The following ITPR1 variants were observed in gnomAD, a reference collection of about 807,000 sequenced individuals.
The protein encoded by ITPR1 is inositol 1,4,5-trisphosphate receptor type 1, also known as inositol 1,4,5-trisphosphate-gated calcium channel ITPR1.
Under a neutral mutation model 318.4 loss-of-function variants are expected in ITPR1, and 96 were observed. The ratio of observed to expected loss-of-function variants is 0.30; its 90% CI spans 0.26 to 0.36. The LOEUF (loss-of-function observed/expected upper bound fraction) is 0.36. ITPR1 is among the 10% of genes least tolerant of loss of function. The pLI is 1.00. For synonymous variants in ITPR1, 1,312 were observed against 1,289.9 expected (o/e 1.02, Z -0.37); for missense variants, 2,440 against 3,460.2 (o/e 0.71, Z 7.40).
At chr3:4,544,378 A>G (rs905327069) in intron 4 of ITPR1, among the ~76,000 whole-genome samples, 2 of 152,232 alleles carry the variant, frequency 1.3e-5, no homozygotes, top group Non-Finnish European at 2.9e-5. Context: ...CACAGGAGCA[A>G]GTAGCTCTTA....
intron 45 of ITPR1, among the ~76,000 whole-genome samples, chr3:4,767,836 C>T (rs1379541691): frequency 1.3e-5 from 2 of 152,170 alleles, no homozygotes; most frequent in African/African-American, 2.4e-5. Context: ...TACAGTTCCC[C>T]TCATTTCAGA....
intron 8 of ITPR1, among the ~76,000 whole-genome samples, chr3:4,644,565 C>T (rs1315953443): frequency 6.6e-6 from 1 of 152,136 alleles, no homozygotes; most frequent in African/African-American, 2.4e-5. Flanking sequence ...TCTAATTTGT[C>T]TCCATATACA....
rs139073310 is a variant in ITPR1 at position 4,832,506 on chromosome 3, G to A, written c.8029-4268G>A. ...ATTAGCCAGGCATTGTGGTGCATGC[G>A]TGTAGTCCCAGCTACTTAGGAAGCT... On this transcript the variant is annotated intron_variant, in intron 60 of 61. Coordinates refer to ENST00000649015, the MANE Select transcript of ITPR1 (RefSeq NM_001378452.1). 3.7e-4 allele frequency among the ~76,000 whole-genome samples: 56 copies of A among 152,168 alleles called. 1 individual carries two copies. In the East Asian group the frequency reaches 8.7e-3, roughly 24 times the overall value.
chr3:4,757,932 G>T (rs2045134970), intron 44 of ITPR1, among the ~76,000 whole-genome samples: 1 of 152,140 alleles, frequency 6.6e-6, no homozygotes, highest in South Asian at 2.1e-4. Flanking sequence ...AGCTGGGCAG[G>T]AGTGGGTTAG....
intron 44 of ITPR1, among the ~76,000 whole-genome samples, chr3:4,751,977 G>A (rs2044565030): frequency 6.6e-6 from 1 of 152,096 alleles, no homozygotes; most frequent in Admixed American, 6.5e-5. Flanking sequence ...GAGGTCCTCT[G>A]AGTTCCTCTT....
intron 40 of ITPR1, among the ~76,000 whole-genome samples, chr3:4,723,200 G>A (rs2042285511): frequency 6.6e-6 from 1 of 152,192 alleles, no homozygotes; most frequent in East Asian, 1.9e-4. Context: ...TCCTTGAGTA[G>A]GTCAGGAAGT....
intron 4 of ITPR1, among the ~76,000 whole-genome samples, chr3:4,552,454 A>T (rs895011627): frequency 6.6e-6 from 1 of 152,146 alleles, no homozygotes; most frequent in Non-Finnish European, 1.5e-5. Context: ...CCCATTTATT[A>T]TAAAGGATAT....
At chr3:4,590,174 C>CTT (rs10713337) in intron 4 of ITPR1, among the ~76,000 whole-genome samples, 38 of 87,442 alleles carry the variant, frequency 4.3e-4, no homozygotes, top group South Asian at 1.4e-3. Context: ...CTTCGTCTTG[C>CTT]TTTTTTTTTT....
At position 4,698,557 on chromosome 3, in the gene ITPR1, A is replaced by G. The variant is rs2094594691; in HGVS notation, c.4408-1256A>G. Among the ~76,000 whole-genome samples, 3 of 152,102 alleles carry G rather than the reference A, an allele frequency of 2.0e-5. No individual in the cohort carries two copies. The East Asian group carries it at 5.8e-4, about 29-fold the overall frequency. On this transcript the variant is annotated intron_variant, in intron 34 of 61. Coordinates refer to ENST00000649015, the MANE Select transcript of ITPR1 (RefSeq NM_001378452.1). ...CTGTTCATCTCTTTCATGACTACTC[A>G]GTTCTGCCCTTCTAGCATGAAAGTA...
intron 5 of ITPR1, among the ~76,000 whole-genome samples, 178 bp downstream of exon 5, chr3:4,628,056 A>G (rs2092897138): frequency 6.6e-6 from 1 of 152,132 alleles, no homozygotes; most frequent in African/African-American, 2.4e-5. Flanking sequence ...GATCCTAGTC[A>G]TCTTGAGATG....
At position 4,840,874 on chromosome 3, in the gene ITPR1, A is replaced by T. The variant is rs148978633; in HGVS notation, c.8190+3939A>T. On this transcript the variant is annotated intron_variant, in intron 61 of 61. Transcript: ENST00000649015. ...AAAGAGCAAATACTAAGAAGGGCTA[A>T]CTTTCTTGAAAATATGACTGGCTTC... Among the ~76,000 whole-genome samples the T allele has an allele frequency of 9.8e-5, 15 of 152,350 alleles. No individual in the cohort carries two copies. In the East Asian group the frequency reaches 2.7e-3, roughly 27 times the overall value.
chr3:4,660,258 A>C (rs2093803301), intron 13 of ITPR1, among the ~76,000 whole-genome samples: 1 of 152,146 alleles, frequency 6.6e-6, no homozygotes, highest in Non-Finnish European at 1.5e-5. Flanking sequence ...TTTGTATTTC[A>C]TTATTAAATT....
rs764338119 is a variant in ITPR1, at chr3:4,735,206, G to A, written c.5396G>A (p.Ser1799Asn). 4 of 1,613,884 alleles carry A rather than the reference G, an allele frequency of 2.5e-6. No homozygotes were observed. The African/African-American group carries it at 4.0e-5, about 16-fold the overall frequency. The change falls in exon 44 of 62, where the codon AGT becomes AAT. Residue 1799 changes from serine to asparagine, a missense_variant. Coordinates refer to ENST00000649015, the MANE Select transcript of ITPR1 (RefSeq NM_001378452.1). ...GSSSMSRGEM[S>N]LAEVQCHLDK... ...AGCTCTATGAGCAGGGGTGAGATGA[G>A]TCTGGCCGAGGTTCAGTGTCACCTT...
chr3:4,607,908 ATGGC>A (rs1476413212), intron 4 of ITPR1, among the ~76,000 whole-genome samples: 1 of 152,124 alleles, frequency 6.6e-6, no homozygotes, highest in Non-Finnish European at 1.5e-5. Context: ...TTCCGGAATA[ATGGC>A]TGCCAATTGA....
chr3:4,603,905 G>A (rs969049306), intron 4 of ITPR1, among the ~76,000 whole-genome samples: 3 of 152,156 alleles, frequency 2.0e-5, no homozygotes, highest in African/African-American at 7.2e-5. Flanking sequence ...TAAGTTCTTT[G>A]AGAAATCTCC....
chr3:4,736,385 AG>A (rs1415351140), intron 44 of ITPR1, among the ~76,000 whole-genome samples: 1 of 152,256 alleles, frequency 6.6e-6, no homozygotes, highest in Non-Finnish European at 1.5e-5. Context: ...GCCCCCGGCC[AG>A]GGTGCCTGGC....
intron 4 of ITPR1, among the ~76,000 whole-genome samples, chr3:4,542,656 A>G (rs2084569712): frequency 7.7e-6 from 1 of 130,236 alleles, no homozygotes; most frequent in South Asian, 2.9e-4. Flanking sequence ...TCACCATTGC[A>G]TTGAAGCTGT....
At chr3:4,515,816 T>C (rs1220714199) in intron 2 of ITPR1, among the ~76,000 whole-genome samples, 2 of 152,202 alleles carry the variant, frequency 1.3e-5, no homozygotes, top group African/African-American at 4.8e-5. Flanking sequence ...GGCCAGGTAC[T>C]GTCTAAAGGG....
At chr3:4,547,237 TTCTTACA>T (rs2085112198) in intron 4 of ITPR1, among the ~76,000 whole-genome samples, 2 of 152,390 alleles carry the variant, frequency 1.3e-5, no homozygotes, top group Non-Finnish European at 2.9e-5. Flanking sequence ...TTTATTTTTA[TTCTTACA>T]TCTTAGTTTT....
Sources: gnomAD v4.1 joint callset for allele counts (sites outside exome capture counted in the v4.1 genomes callset) on GRCh38, gnomAD v4.1.1 for gene constraint, MANE v1.5 for transcripts, NCBI Gene and HGNC (gene_info 2026-07-23, HGNC 2026-07-21) for gene names.